The following DCC variants were observed in gnomAD, a reference collection of about 807,000 sequenced individuals.
DCC encodes DCC netrin 1 receptor.
DCC carries 58 observed loss-of-function variants against 172.5 expected under a neutral mutation model. That is an observed-to-expected ratio of 0.34 (90% confidence interval 0.27 to 0.42). The LOEUF is 0.42. Ranked by LOEUF, DCC falls within the 10% of genes least tolerant of loss-of-function variation. DCC has a pLI of 1.00. For missense variants in DCC, 1,740 were observed against 1,791.0 expected (o/e 0.97, Z 0.51); for synonymous variants, 709 against 644.5 (o/e 1.10, Z -1.52).
Position 53,535,731 on chromosome 18 carries a change from C to T in DCC, c.*5078C>T, listed in dbSNP as rs1012735217. ...AAATCTTGTTCTACAAGAAAGGAAA[C>T]TTGCTTACAGTTTAAAACAATGACT... On this transcript the variant is annotated 3_prime_UTR_variant, in exon 29 of 29. Transcript: ENST00000442544. The T allele has an allele frequency of 6.6e-6, 1 of 152,134 alleles. No homozygotes were observed. The highest frequency in any genetic ancestry group is 2.4e-5 in the African/African-American group (1 of 41,442). The allele number at this position is 152,134 out of a possible 1,614,324, so 9.4% of individuals were successfully genotyped here.
intron 2 of DCC, among the ~76,000 whole-genome samples, chr18:52,883,348 T>TTG (rs758976846): frequency 0.016 from 1,716 of 106,242 alleles, 24 homozygotes; most frequent in Non-Finnish European, 0.019. Flanking sequence ...ATTTATTTAT[T>TTG]TATGTGTGTG....
At chr18:53,466,233 A>T (rs1290221997) in intron 24 of DCC, among the ~76,000 whole-genome samples, 3 of 151,954 alleles carry the variant, frequency 2.0e-5, no homozygotes, top group African/African-American at 7.3e-5. Flanking sequence ...CCATTTTAAA[A>T]CCCACACACT....
At chr18:52,917,061 T>G (rs563468941) in intron 3 of DCC, among the ~76,000 whole-genome samples, 1 of 147,058 alleles carries the variant, frequency 6.8e-6, no homozygotes, top group Non-Finnish European at 1.5e-5. Context: ...GACAGGCAGA[T>G]TGCTTGAGCT....
At chr18:53,418,404 G>A (rs967282799) in intron 21 of DCC, among the ~76,000 whole-genome samples, 4 of 152,078 alleles carry the variant, frequency 2.6e-5, no homozygotes, top group African/African-American at 9.7e-5. Context: ...AATAGGAAGA[G>A]GCTGATCTTA....
chr18:53,396,085 C>A (rs756980670), intron 17 of DCC, among the ~76,000 whole-genome samples: 1 of 150,382 alleles, frequency 6.6e-6, no homozygotes, highest in Non-Finnish European at 1.5e-5. Context: ...ATAACTATAA[C>A]CTAAGAAGGA....
intron 2 of DCC, among the ~76,000 whole-genome samples, chr18:52,852,193 T>C (rs937493724): frequency 2.0e-5 from 3 of 152,126 alleles, no homozygotes. Flanking sequence ...GAAATAAAAA[T>C]CAATGTATTT....
chr18:53,353,457 G>A (rs942934467), intron 15 of DCC, among the ~76,000 whole-genome samples: 1 of 151,884 alleles, frequency 6.6e-6, no homozygotes, highest in Non-Finnish European at 1.5e-5. Context: ...ATAACGTATT[G>A]TCTAACTACA....
At chr18:52,498,387 G>A (rs145576285) in intron 1 of DCC, among the ~76,000 whole-genome samples, 5,564 of 152,216 alleles carry the variant, frequency 0.037, 152 homozygotes, top group Middle Eastern at 0.082. Context: ...ACTTTGGGGG[G>A]CCAAGGTGGG....
intron 5 of DCC, among the ~76,000 whole-genome samples, chr18:52,928,570 T>C (rs2040254906): frequency 6.6e-6 from 1 of 152,224 alleles, no homozygotes; most frequent in African/African-American, 2.4e-5. Context: ...TTTATATGTG[T>C]ATATATGTAC....
intron 2 of DCC, among the ~76,000 whole-genome samples, chr18:52,817,924 A>G (rs1013162249): frequency 1.6e-4 from 24 of 152,236 alleles, no homozygotes; most frequent in Non-Finnish European, 1.2e-4. Flanking sequence ...TGCTTTGCAT[A>G]CTATGCTAAG....
chr18:53,117,218 A>G (rs1198784944), intron 7 of DCC, among the ~76,000 whole-genome samples: 1 of 151,764 alleles, frequency 6.6e-6, no homozygotes, highest in African/African-American at 2.4e-5. Context: ...GCTGGATTGC[A>G]TTGGTCAATA....
chr18:52,784,443 C>A (rs1414062047), intron 2 of DCC, among the ~76,000 whole-genome samples: 2 of 152,010 alleles, frequency 1.3e-5, no homozygotes, highest in Non-Finnish European at 2.9e-5. Flanking sequence ...GGTGGGATTG[C>A]TGGATTGTAT....
intron 12 of DCC, among the ~76,000 whole-genome samples, chr18:53,264,167 TACA>T (rs1392758719): frequency 6.6e-6 from 1 of 152,086 alleles, no homozygotes; most frequent in African/African-American, 2.4e-5. Context: ...GAAATTATTT[TACA>T]GGGAATTTTG....
chr18:52,665,071 C>T (rs533322226), intron 1 of DCC, among the ~76,000 whole-genome samples: 132 of 152,306 alleles, frequency 8.7e-4, no homozygotes, highest in Non-Finnish European at 1.6e-3. Context: ...TTATAGGTCC[C>T]TTGGTAATTG....
chr18:52,510,151 C>A (rs1417503139), intron 1 of DCC, among the ~76,000 whole-genome samples: 1 of 151,482 alleles, frequency 6.6e-6, no homozygotes, highest in Admixed American at 6.6e-5. Context: ...GTTAGCATGA[C>A]TGGGCTTCTG....
intron 1 of DCC, among the ~76,000 whole-genome samples, chr18:52,385,381 T>C (rs2144333971): frequency 6.6e-6 from 1 of 151,772 alleles, no homozygotes; most frequent in Non-Finnish European, 1.5e-5. Context: ...TTTTAAGCAA[T>C]TCTCCTGCCT....
chr18:53,435,280 C>T, intron 22 of DCC, 71 bp downstream of exon 22: 2 of 1,015,052 alleles, frequency 2.0e-6, no homozygotes, highest in South Asian at 2.6e-5. Context: ...GTGTCTGGGG[C>T]AAATTTTCTA....
chr18:52,916,769 C>T (rs1422898510), intron 3 of DCC, among the ~76,000 whole-genome samples: 1 of 152,070 alleles, frequency 6.6e-6, no homozygotes, highest in Non-Finnish European at 1.5e-5. Context: ...AGTACACCTC[C>T]CTTTTCCAAC....
At chr18:52,924,917 C>T (rs1195476225) in intron 4 of DCC, among the ~76,000 whole-genome samples, 1 of 151,942 alleles carries the variant, frequency 6.6e-6, no homozygotes, top group East Asian at 1.9e-4. Context: ...AGTACCACTT[C>T]TCTAGACCTC....
Sources: allele counts gnomAD v4.1 joint callset (sites outside exome capture counted in the v4.1 genomes callset), GRCh38; gene constraint gnomAD v4.1.1; transcripts MANE v1.5; gene names NCBI Gene and HGNC (gene_info 2026-07-23, HGNC 2026-07-21).